Variants in GCC2 observed in about 807,000 individuals in gnomAD.
GCC2 encodes the protein GRIP and coiled-coil domain containing 2, also known as GRIP and coiled-coil domain-containing protein 2.
A neutral mutation model predicts 210.6 loss-of-function variants in GCC2; 120 were observed. That is an observed-to-expected ratio of 0.57 (90% CI 0.49 to 0.66). The LOEUF (loss-of-function observed/expected upper bound fraction) is 0.66. Among genes scored for constraint, GCC2 ranks in the 30% least tolerant of loss-of-function variants. GCC2 has a pLI of 0.00. For missense variants in GCC2, 1,868 were observed against 1,871.9 expected (o/e 1.00, Z 0.04); for synonymous variants, 703 against 652.7 (o/e 1.08, Z -1.17).
At chr2:108,489,776 AAAAC>A in intron 17 of GCC2, 58 bp from the exon 18 acceptor site, 3 of 1,180,924 alleles carry the variant, frequency 2.5e-6, no homozygotes, top group Non-Finnish European at 3.6e-6. Context: ...AACTATATTT[AAAAC>A]CACAAAATCA....
At chr2:108,501,675 A>G (rs978347452) in intron 22 of GCC2, among the ~76,000 whole-genome samples, 1 of 152,068 alleles carries the variant, frequency 6.6e-6, no homozygotes, top group Non-Finnish European at 1.5e-5. Context: ...TGGTATACTT[A>G]GTAAAATTCC....
At chr2:108,452,602 T>C in intron 4 of GCC2, 136 bp downstream of exon 4, 1 of 641,360 alleles carries the variant, frequency 1.6e-6, no homozygotes. Context: ...TCTGATTCAC[T>C]GTAAAAAGAG....
At chr2:108,455,205 T>G (rs1045798767) in intron 4 of GCC2, among the ~76,000 whole-genome samples, 32 of 152,246 alleles carry the variant, frequency 2.1e-4, no homozygotes, top group African/African-American at 6.7e-4. Context: ...TTTGGGAGGC[T>G]GAGGCGGACA....
At position 108,459,745 on chromosome 2, in the gene GCC2, C is replaced by CTTTTTTTTTTTTTTTTTTT. The variant is rs34052393; in HGVS notation, c.216+7294_216+7312dup. Among the ~76,000 whole-genome samples the CTTTTTTTTTTTTTTTTTTT allele has an allele frequency of 1.8e-3, 48 of 26,776 alleles. 3 individuals are homozygous for CTTTTTTTTTTTTTTTTTTT. The highest frequency in any genetic ancestry group is 3.2e-3 in the African/African-American group (25 of 7,732). The allele number at this position is 26,776 out of a possible 152,430, so 17.6% of individuals were successfully genotyped here. On this transcript the variant is annotated intron_variant, in intron 4 of 22. Coordinates refer to ENST00000309863, the MANE Select transcript of GCC2 (RefSeq NM_181453.4). ...GCCATTAGATAATGACCTTCTTTGTCTTTTTTTTTTTTTTTTTTTTTTTTT... is the reference window on the plus strand; with the variant it reads ...GCCATTAGATAATGACCTTCTTTGTCTTTTTTTTTTTTTTTTTTTTTTTTTTTTTTTTTTTTTTTTTTTT...
chr2:108,471,101 C>T lies in GCC2; in HGVS notation c.1772C>T (p.Ser591Phe), dbSNP rs920522699. ...MLKELEGKIN[S>F]LTEEKDDFIN... The stretch of plus-strand genomic sequence containing the variant: ...AAAGAATTAGAAGGAAAGATAAATT[C>T]TCTTACTGAGGAAAAAGATGATTTT... Residue 591 changes from serine (S) to phenylalanine (F), a missense_variant, in exon 6 of 23, where the codon TCT (serine) becomes TTT (phenylalanine). Around this residue, in one of 3 missense-constraint regions of GCC2, gnomAD observed 1,847 missense variants for 1,765.2 expected, o/e 1.05. Coordinates refer to ENST00000309863, the MANE Select transcript of GCC2 (RefSeq NM_181453.4). The T allele has an allele frequency of 3.2e-6, 5 of 1,583,838 alleles. No individual in the cohort carries two copies. The highest frequency in any genetic ancestry group is 1.1e-5 in the South Asian group (1 of 88,758).
chr2:108,502,394 C>T (rs540286213), intron 22 of GCC2, among the ~76,000 whole-genome samples: 5 of 151,888 alleles, frequency 3.3e-5, no homozygotes, highest in Admixed American at 2.0e-4. Flanking sequence ...TAAGGGATAC[C>T]AAGAACAGAT....
intron 4 of GCC2, among the ~76,000 whole-genome samples, chr2:108,453,329 T>C (rs1455282805): frequency 2.0e-5 from 3 of 152,254 alleles, no homozygotes; most frequent in Non-Finnish European, 2.9e-5. Context: ...CTTTAAGATA[T>C]TGTTCCAGTT....
chr2:108,470,356 G>T lies in GCC2; in HGVS notation c.1027G>T (p.Glu343Ter). 1 of 1,605,826 alleles carries T rather than the reference G, an allele frequency of 6.2e-7. No individual in the cohort carries two copies. The highest frequency in any genetic ancestry group is 1.1e-5 in the South Asian group (1 of 89,438). ...KVKHLEDTLK[E>*]LESQHSILKD... Reference sequence around the variant, plus strand: ...CAAACACTTAGAAGATACCTTAAAAGAACTTGAATCTCAACACAGTATCTT... The same window carrying T: ...CAAACACTTAGAAGATACCTTAAAATAACTTGAATCTCAACACAGTATCTT... The change falls in exon 6 of 23, where the codon GAA becomes TAA. Residue 343 changes from glutamate to a stop codon, truncating the protein, a stop_gained. Coordinates refer to ENST00000309863, the MANE Select transcript of GCC2 (RefSeq NM_181453.4). LOFTEE classifies it high-confidence loss of function.
In GCC2 at chr2:108,451,016, C is replaced by G. The variant is rs376866236; in HGVS notation, c.64-12C>G. ...AGTTATAACAAGTTGGTAACATGAC[C>G]ACATCTTTCAGCTGGAAACATTGCC... On this transcript the variant is annotated splice_polypyrimidine_tract_variant and intron_variant, in intron 2 of 22. Transcript: ENST00000309863. 9.1e-5 allele frequency: 144 copies of G among 1,586,500 alleles called. No homozygotes were observed. Among genetic ancestry groups the G allele is most frequent in the Non-Finnish European group, 1.2e-4 (139 of 1,155,664 alleles).
At chr2:108,451,858 T>C (rs2104400702) in intron 3 of GCC2, among the ~76,000 whole-genome samples, 1 of 150,718 alleles carries the variant, frequency 6.6e-6, no homozygotes, top group African/African-American at 2.4e-5. Flanking sequence ...TTTTTTTTTT[T>C]TCAAGACGGA....
At chr2:108,450,364 G>A (rs1462385361) in intron 2 of GCC2, among the ~76,000 whole-genome samples, 2 of 152,196 alleles carry the variant, frequency 1.3e-5, no homozygotes, top group African/African-American at 2.4e-5. Flanking sequence ...TGTGACCAAA[G>A]ACTTGCAGCC....
intron 22 of GCC2, among the ~76,000 whole-genome samples, chr2:108,505,465 T>G (rs935696387): frequency 6.6e-6 from 1 of 152,230 alleles, no homozygotes; most frequent in Non-Finnish European, 1.5e-5. Flanking sequence ...GCCAGTAGGC[T>G]AACCTAATGA....
chr2:108,493,723 G>A (rs937151169), intron 19 of GCC2: 10 of 985,238 alleles, frequency 1.0e-5, no homozygotes, highest in African/African-American at 3.5e-5. Flanking sequence ...AGCATTAGCC[G>A]CTATCGGTCA....
In GCC2 at chr2:108,449,683, A is replaced by G. The variant is rs780484058; in HGVS notation, c.57A>G (p.Lys19=). Residue 19 remains lysine (K), a synonymous_variant, in exon 2 of 23, where the codon AAA becomes AAG. Coordinates refer to ENST00000309863, the MANE Select transcript of GCC2 (RefSeq NM_181453.4). ...CACCAGCTACCCCTGGGACCGGGAA[A>G]TCTAAGGTGAAGAGAATACTTGAAT... The part of the protein sequence containing the change: ...VASPATPGTG[K]SKLETLPKED... 1.2e-6 allele frequency: 2 copies of G among 1,612,888 alleles called. No homozygotes were observed. The highest frequency in any genetic ancestry group is 1.7e-6 in the Non-Finnish European group (2 of 1,179,056).
At chr2:108,480,114 G>A (rs981659713) in intron 9 of GCC2, among the ~76,000 whole-genome samples, 9 of 151,960 alleles carry the variant, frequency 5.9e-5, no homozygotes, top group South Asian at 2.1e-4. Context: ...GGTTAATGTC[G>A]TTTCTCTTTT....
At chr2:108,475,902 C>G (rs570742363) in intron 9 of GCC2, 52 bp downstream of exon 9, 2 of 932,266 alleles carry the variant, frequency 2.1e-6, no homozygotes, top group Admixed American at 2.5e-5. Flanking sequence ...ATAATAACTT[C>G]TAAGTTAAGA....
intron 9 of GCC2, among the ~76,000 whole-genome samples, chr2:108,480,449 A>G (rs370968978): frequency 1.3e-5 from 2 of 152,208 alleles, no homozygotes; most frequent in African/African-American, 4.8e-5. Flanking sequence ...ACACATGTAC[A>G]TGTATGTTCT....
At chr2:108,473,341 A>G (rs1416455865) in intron 7 of GCC2, 1 of 150,726 alleles carries the variant, frequency 6.6e-6, no homozygotes, top group Non-Finnish European at 1.5e-5. Context: ...AGCGTAGAAT[A>G]GGGTTTTCAG....
chr2:108,491,357 T>C (rs754469224), intron 18 of GCC2, among the ~76,000 whole-genome samples: 2 of 152,224 alleles, frequency 1.3e-5, no homozygotes, highest in African/African-American at 4.8e-5. Context: ...GCTTAGACTA[T>C]TTTTGTAACC....
Sources: gnomAD v4.1 joint callset for allele counts (sites outside exome capture counted in the v4.1 genomes callset) on GRCh38, gnomAD v4.1.1 for gene constraint, gnomAD v4.1.1 regional missense constraint, MANE v1.5 for transcripts, NCBI Gene and HGNC (gene_info 2026-07-23, HGNC 2026-07-21) for gene names.